The following VPS41 variants were observed in gnomAD, a reference collection of about 807,000 sequenced individuals.
VPS41 encodes vacuolar protein sorting-associated protein 41 homolog.
In VPS41, 85 loss-of-function variants were observed where a neutral mutation model predicts 130.9. The ratio of observed to expected loss-of-function variants is 0.65; its 90% confidence interval spans 0.55 to 0.78. VPS41 has a LOEUF of 0.78. VPS41 is among the 30% of genes least tolerant of loss of function. The pLI, the probability that VPS41 is intolerant of heterozygous loss-of-function variation, is 0.00. For synonymous variants in VPS41, 335 were observed against 332.9 expected, an observed-to-expected ratio of 1.01 and a Z score of -0.07; for missense variants, 874 against 1,018.7, an observed-to-expected ratio of 0.86 and a Z score of 1.93.
At chr7:38,862,453 T>G (rs1786137011) in intron 4 of VPS41, 92 bp downstream of exon 4, 1 of 726,042 alleles carries the variant, frequency 1.4e-6, no homozygotes, top group Admixed American at 2.8e-5. Context: ...ATCCTCTTTA[T>G]GCTATTAAAA....
intron 16 of VPS41, among the ~76,000 whole-genome samples, chr7:38,764,524 C>A (rs1783991048): frequency 6.6e-6 from 1 of 152,070 alleles, no homozygotes; most frequent in South Asian, 2.1e-4. Context: ...TGGGCTAGGG[C>A]TGCCCACAGA....
In VPS41 at chr7:38,862,589, A is replaced by G; in HGVS notation, c.202T>C (p.Tyr68His). 1 of 1,611,072 alleles carries G rather than the reference A, an allele frequency of 6.2e-7. No homozygotes were observed. The highest frequency in any genetic ancestry group is 1.1e-5 in the South Asian group (1 of 90,512). Residue 68 changes from tyrosine to histidine, a missense_variant, in exon 4 of 29, where the codon TAT becomes CAT. Physicochemically the swap from Tyr to His is moderately conservative, Grantham distance 83. Transcript: ENST00000310301. ...ATGTTCCCCTGGACATCAAGTAAAT[A>G]AACCTTGCCATAATGTGTGCCCAAT... is the stretch of plus-strand genomic sequence containing the variant. ...LALGTHYGKV[Y>H]LLDVQGNITQ...
At position 38,800,399 on chromosome 7, in the gene VPS41, TTTTTA is replaced by T. The variant is rs560081126; in HGVS notation, c.451-3540_451-3536del. ...AAATGCGTGCTGAAATTTTATATTA[TTTTTA>T]TTTTATAATTATTCTGCACTAAATA... is the stretch of plus-strand genomic sequence containing the variant. On this transcript the variant is annotated intron_variant, in intron 7 of 28. Coordinates refer to ENST00000310301, the MANE Select transcript of VPS41 (RefSeq NM_014396.4). Among the ~76,000 whole-genome samples, 1,230 of 152,296 alleles carry T rather than the reference TTTTTA, an allele frequency of 8.1e-3. 20 individuals are homozygous for T. The highest frequency in any genetic ancestry group is 0.027 in the African/African-American group (1,130 of 41,560).
intron 7 of VPS41, among the ~76,000 whole-genome samples, chr7:38,812,137 C>T (rs1784956703): frequency 6.6e-6 from 1 of 152,066 alleles, no homozygotes; most frequent in Non-Finnish European, 1.5e-5. Context: ...AGTTCATCTG[C>T]CATCCCATAA....
intron 9 of VPS41, among the ~76,000 whole-genome samples, chr7:38,795,193 G>A (rs1477622469): frequency 6.6e-6 from 1 of 152,158 alleles, no homozygotes; most frequent in Non-Finnish European, 1.5e-5. Flanking sequence ...AAGGCCAGCT[G>A]GGATGTGAGA....
chr7:38,848,095 T>C (rs1297972141), intron 4 of VPS41, among the ~76,000 whole-genome samples: 1 of 152,202 alleles, frequency 6.6e-6, no homozygotes, highest in East Asian at 1.9e-4. Context: ...AACACTGCTT[T>C]ATCAATCCCC....
intron 10 of VPS41, among the ~76,000 whole-genome samples, chr7:38,785,514 G>A (rs974169653): frequency 6.6e-6 from 1 of 152,150 alleles, no homozygotes; most frequent in Admixed American, 6.5e-5. Context: ...ACAACACTAA[G>A]CTGATAGGAT....
intron 4 of VPS41, among the ~76,000 whole-genome samples, chr7:38,859,974 C>T (rs893443073): frequency 6.6e-6 from 1 of 152,152 alleles, no homozygotes; most frequent in Non-Finnish European, 1.5e-5. Flanking sequence ...GCTGAATATT[C>T]TTTCAAATAT....
Position 38,776,681 on chromosome 7 carries a change from T to C in VPS41, c.880A>G (p.Thr294Ala). 1.3e-6 allele frequency: 2 copies of C among 1,588,124 alleles called. No individual in the cohort carries two copies. The highest frequency in any genetic ancestry group is 1.7e-6 in the Non-Finnish European group (2 of 1,156,894). The change falls in exon 11 of 29, where the codon ACG becomes GCG. Residue 294 changes from threonine (T) to alanine (A), a missense_variant and splice_region_variant. By Grantham distance (58) the Thr-to-Ala change is moderately conservative. Coordinates refer to ENST00000310301, the MANE Select transcript of VPS41 (RefSeq NM_014396.4). ...GTATCTGGGGAGAAAATAATTACCG[T>C]TTTTTCTGAAATCTCCTTTACATAC... ...LSYVKEISEK[T>A]EREYCARPRL...
intron 7 of VPS41, among the ~76,000 whole-genome samples, chr7:38,797,888 G>A (rs2115994896): frequency 6.6e-6 from 1 of 152,258 alleles, no homozygotes; most frequent in South Asian, 2.1e-4. Context: ...AATTAAATAT[G>A]ATGTCCATCA....
chr7:38,735,477 GTGTGTGTACA>G (rs34199523), intron 25 of VPS41, among the ~76,000 whole-genome samples: 1,968 of 152,226 alleles, frequency 0.013, 54 homozygotes, highest in African/African-American at 0.044. Context: ...GATGAGGTAT[GTGTGTGTACA>G]TGTGTGTGTC....
intron 4 of VPS41, among the ~76,000 whole-genome samples, chr7:38,832,792 C>CT (rs1387027810): frequency 1.3e-5 from 2 of 152,072 alleles, no homozygotes; most frequent in African/African-American, 4.8e-5. Context: ...CCTTGCACCT[C>CT]TTCTTTTTTA....
intron 5 of VPS41, among the ~76,000 whole-genome samples, chr7:38,826,288 G>C (rs1785274176): frequency 6.6e-6 from 1 of 152,210 alleles, no homozygotes; most frequent in African/African-American, 2.4e-5. Context: ...AACCCAGGTT[G>C]AGGAAGAGAT....
chr7:38,808,821 G>A (rs552128459), intron 7 of VPS41, among the ~76,000 whole-genome samples: 15 of 152,222 alleles, frequency 9.9e-5, no homozygotes, highest in Admixed American at 8.5e-4. Context: ...ACAAACACAC[G>A]AGGAAGCACT....
intron 4 of VPS41, among the ~76,000 whole-genome samples, chr7:38,856,026 G>T (rs1305971239): frequency 6.6e-6 from 1 of 152,118 alleles, no homozygotes; most frequent in Non-Finnish European, 1.5e-5. Flanking sequence ...TTTGCAGACA[G>T]CCTTCCCGCT....
intron 28 of VPS41, 42 bp from the exon 29 acceptor site, chr7:38,726,368 T>C (rs1361934554): frequency 2.0e-6 from 3 of 1,495,152 alleles, no homozygotes; most frequent in Non-Finnish European, 2.8e-6. Context: ...AAAATGATCT[T>C]CTTTTTCTAC....
intron 17 of VPS41, 151 bp downstream of exon 17, chr7:38,763,304 T>C: frequency 2.2e-6 from 1 of 462,064 alleles, no homozygotes; most frequent in Non-Finnish European, 3.8e-6. Context: ...AAACATGAGT[T>C]ATACTGGAGT....
At chr7:38,857,376 G>A (rs1171744639) in intron 4 of VPS41, among the ~76,000 whole-genome samples, 8 of 151,934 alleles carry the variant, frequency 5.3e-5, no homozygotes, top group Admixed American at 5.2e-4. Context: ...TCTATTTCTA[G>A]CAAAGAAAGA....
Position 38,724,027 on chromosome 7 carries a change from T to C in VPS41, c.*2219A>G, listed in dbSNP as rs1795488054. 1 of 152,196 alleles carries C rather than the reference T, an allele frequency of 6.6e-6. No homozygotes were observed. The highest frequency in any genetic ancestry group is 1.5e-5 in the Non-Finnish European group (1 of 68,032). The allele number at this position is 152,196 out of a possible 1,614,324, so 9.4% of individuals were successfully genotyped here. Reference sequence around the variant, plus strand: ...TTTTTTATTAACGATAAAATCTATATTGTTCAGGAATTTTCCAGTGTGTTA... The same window carrying C: ...TTTTTTATTAACGATAAAATCTATACTGTTCAGGAATTTTCCAGTGTGTTA... On this transcript the variant is annotated 3_prime_UTR_variant, in exon 29 of 29. Coordinates refer to ENST00000310301, the MANE Select transcript of VPS41 (RefSeq NM_014396.4).
Sources: gnomAD v4.1 joint callset for allele counts (sites outside exome capture counted in the v4.1 genomes callset) on GRCh38, gnomAD v4.1.1 for gene constraint, MANE v1.5 for transcripts, NCBI Gene and HGNC (gene_info 2026-07-23, HGNC 2026-07-21) for gene names.